TBC1D5: variants seen among roughly 807,000 people sequenced by gnomAD.
TBC1D5 encodes TBC1 domain family, member 5.
A neutral mutation model predicts 100.3 loss-of-function variants in TBC1D5; 75 were observed. That is an observed-to-expected ratio of 0.75 (90% CI 0.62 to 0.91). The LOEUF (loss-of-function observed/expected upper bound fraction) is 0.91. Ranked by LOEUF, TBC1D5 falls within the 40% of genes least tolerant of loss-of-function variation. The probability of loss-of-function intolerance (pLI) is 0.00; values close to 1 mark genes in which losing one functional copy is unlikely to be tolerated. For missense variants in TBC1D5, 910 were observed against 942.4 expected (o/e 0.97, Z 0.45); for synonymous variants, 323 against 325.6 (o/e 0.99, Z 0.09).
At chr3:17,616,127 G>A (rs2062133001) in intron 2 of TBC1D5, among the ~76,000 whole-genome samples, 2 of 152,110 alleles carry the variant, frequency 1.3e-5, no homozygotes, top group South Asian at 4.1e-4. Flanking sequence ...CTTTATTTCT[G>A]CCTTCATTTC....
At chr3:17,290,687 A>T (rs2081635897) in intron 15 of TBC1D5, among the ~76,000 whole-genome samples, 1 of 152,180 alleles carries the variant, frequency 6.6e-6, no homozygotes, top group Non-Finnish European at 1.5e-5. Context: ...TAGGGAGTAT[A>T]TAGTCATACA....
chr3:17,494,021 C>T (rs1365330752), intron 3 of TBC1D5, among the ~76,000 whole-genome samples: 4 of 152,248 alleles, frequency 2.6e-5, no homozygotes, highest in African/African-American at 7.2e-5. Flanking sequence ...TAGTTTTCAG[C>T]GTTTTTGCGC....
chr3:17,525,170 C>T (rs969304963), intron 2 of TBC1D5, among the ~76,000 whole-genome samples: 1 of 152,042 alleles, frequency 6.6e-6, no homozygotes, highest in African/African-American at 2.4e-5. Context: ...ACTCTTGTTG[C>T]CCAGGCTGGA....
At chr3:17,646,124 T>C (rs187347873) in intron 1 of TBC1D5, among the ~76,000 whole-genome samples, 1 of 151,756 alleles carries the variant, frequency 6.6e-6, no homozygotes, top group African/African-American at 2.4e-5. Context: ...ATAAGAAGGG[T>C]AAATTTGGAT....
At chr3:17,456,632 C>A (rs1366197447) in intron 3 of TBC1D5, among the ~76,000 whole-genome samples, 1 of 152,064 alleles carries the variant, frequency 6.6e-6, no homozygotes, top group African/African-American at 2.4e-5. Flanking sequence ...TGGCTTTTAT[C>A]CAAAAGACAG....
intron 1 of TBC1D5, among the ~76,000 whole-genome samples, chr3:17,625,943 G>A (rs1202354941): frequency 2.6e-5 from 4 of 151,954 alleles, no homozygotes; most frequent in Non-Finnish European, 5.9e-5. Flanking sequence ...ATGAGTTTAC[G>A]TATCACATAA....
intron 3 of TBC1D5, among the ~76,000 whole-genome samples, chr3:17,444,306 T>C (rs2149590154): frequency 6.6e-6 from 1 of 152,122 alleles, no homozygotes; most frequent in East Asian, 1.9e-4. Flanking sequence ...TGTGATGCAA[T>C]TACATGAGGA....
At chr3:17,241,070 AT>A (rs903341507) in intron 16 of TBC1D5, among the ~76,000 whole-genome samples, 2 of 151,350 alleles carry the variant, frequency 1.3e-5, no homozygotes, top group African/African-American at 2.4e-5. Flanking sequence ...TTCTAGAAGA[AT>A]TTTTTTTTCA....
chr3:17,486,824 G>C (rs1256978254), intron 3 of TBC1D5, among the ~76,000 whole-genome samples: 1 of 152,158 alleles, frequency 6.6e-6, no homozygotes, highest in Non-Finnish European at 1.5e-5. Context: ...TATAATGAAA[G>C]AACTGTGGGT....
At chr3:17,669,802 T>C (rs1414516796) in intron 1 of TBC1D5, among the ~76,000 whole-genome samples, 1 of 152,140 alleles carries the variant, frequency 6.6e-6, no homozygotes, top group African/African-American at 2.4e-5. Flanking sequence ...TGAGTAAAAA[T>C]GCAACTCAAT....
intron 9 of TBC1D5, among the ~76,000 whole-genome samples, chr3:17,377,030 T>C (rs543927873): frequency 1.3e-5 from 2 of 152,228 alleles, no homozygotes; most frequent in Non-Finnish European, 2.9e-5. Context: ...TTACATCCAA[T>C]GTTTTCATTA....
At chr3:17,704,269 A>AGAGG (rs1421470355) in intron 1 of TBC1D5, among the ~76,000 whole-genome samples, 1 of 145,128 alleles carries the variant, frequency 6.9e-6, no homozygotes, top group Non-Finnish European at 1.5e-5. Flanking sequence ...ATCCCAAGGC[A>AGAGG]GAGGAATTTT....
At chr3:17,449,876 C>G (rs1559910612) in intron 3 of TBC1D5, among the ~76,000 whole-genome samples, 1 of 152,234 alleles carries the variant, frequency 6.6e-6, no homozygotes. Flanking sequence ...AATGCTCAAG[C>G]TCTGCTAAGG....
In TBC1D5 at chr3:17,257,011, A is replaced by T. The variant is rs140588924; in HGVS notation, c.1331+1495T>A. On this transcript the variant is annotated intron_variant, in intron 16 of 21. Transcript: ENST00000253692. Reference sequence around the variant, plus strand: ...GTGGCTGTAGCATGAGAATGAAGAGAAGGAGAGAGTGGAAGGAGATAAGGT... The same window carrying T: ...GTGGCTGTAGCATGAGAATGAAGAGTAGGAGAGAGTGGAAGGAGATAAGGT... 2.4e-4 allele frequency among the ~76,000 whole-genome samples: 37 copies of T among 152,144 alleles called. No individual in the cohort carries two copies. The East Asian group carries it at 6.0e-3, about 25-fold the overall frequency.
intron 2 of TBC1D5, among the ~76,000 whole-genome samples, chr3:17,587,068 T>C (rs2096737482): frequency 1.3e-5 from 2 of 152,156 alleles, no homozygotes; most frequent in Middle Eastern, 3.4e-3. Flanking sequence ...GCATCAGTGA[T>C]GACAAGTGAA....
At position 17,500,010 on chromosome 3, in the gene TBC1D5, G is replaced by A. The variant is rs552295821; in HGVS notation, c.97+8464C>T. ...AGACCTAATTGCCTAAAGGGGTAGT[G>A]GATAAGGGCTATTGCAAGGCTACTG... On this transcript the variant is annotated intron_variant, in intron 3 of 21. Coordinates refer to ENST00000253692, the Ensembl canonical transcript of TBC1D5. Among the ~76,000 whole-genome samples the A allele has an allele frequency of 4.7e-4, 70 of 149,332 alleles. 9 individuals are homozygous for A. Among genetic ancestry groups the A allele is most frequent in the African/African-American group, 1.8e-3 (69 of 39,210 alleles).
chr3:17,414,384 T>A (rs1375808779), intron 4 of TBC1D5, among the ~76,000 whole-genome samples: 1 of 152,224 alleles, frequency 6.6e-6, no homozygotes, highest in African/African-American at 2.4e-5. Flanking sequence ...GCCAGTAAAT[T>A]TTTGAATCTG....
At chr3:17,438,852 T>C (rs2094585396) in intron 3 of TBC1D5, among the ~76,000 whole-genome samples, 1 of 152,052 alleles carries the variant, frequency 6.6e-6, no homozygotes, top group African/African-American at 2.4e-5. Context: ...CAAAAAATCA[T>C]TGTATTTTCA....
chr3:17,208,785 T>C (rs577850924), intron 18 of TBC1D5, among the ~76,000 whole-genome samples: 17 of 152,346 alleles, frequency 1.1e-4, no homozygotes, highest in African/African-American at 3.1e-4. Context: ...CAAAATATGA[T>C]AGAATGCAAA....
Sources: allele counts gnomAD v4.1 joint callset (sites outside exome capture counted in the v4.1 genomes callset), GRCh38; gene constraint gnomAD v4.1.1; transcripts MANE v1.5; gene names NCBI Gene and HGNC (gene_info 2026-07-23, HGNC 2026-07-21).